OCA2: variants seen among roughly 807,000 people sequenced by gnomAD.
OCA2 encodes the protein OCA2 melanosomal transmembrane protein, also known as P protein.
Under a neutral mutation model 100.2 loss-of-function variants are expected in OCA2, and 77 were observed. The observed-to-expected ratio is 0.77, with a 90% confidence interval of 0.64 to 0.93. OCA2 has a LOEUF of 0.93. Ranked by LOEUF, OCA2 falls within the 40% of genes least tolerant of loss-of-function variation. The pLI is 0.00. For synonymous variants in OCA2, 432 were observed against 439.2 expected, an observed-to-expected ratio of 0.98 and a Z score of 0.21; for missense variants, 1,062 against 1,089.1, an observed-to-expected ratio of 0.98 and a Z score of 0.35.
chr15:28,015,164 G>A (rs1595823123), intron 8 of OCA2, among the ~76,000 whole-genome samples: 2 of 152,070 alleles, frequency 1.3e-5, no homozygotes, highest in South Asian at 2.1e-4. Context: ...GACACCACCC[G>A]ACAATGAACA....
chr15:27,973,184 A>T (rs947313955), intron 14 of OCA2, among the ~76,000 whole-genome samples: 1 of 152,010 alleles, frequency 6.6e-6, no homozygotes, highest in Non-Finnish European at 1.5e-5. Context: ...TTAGCTTTTC[A>T]GTTTAATTAG....
At chr15:27,950,356 T>C (rs2039987529) in intron 18 of OCA2, among the ~76,000 whole-genome samples, 2 of 152,196 alleles carry the variant, frequency 1.3e-5, no homozygotes, top group Non-Finnish European at 2.9e-5. Flanking sequence ...GTCATTAAGG[T>C]TTCTAATGTT....
intron 14 of OCA2, among the ~76,000 whole-genome samples, chr15:27,969,766 G>A (rs2040707699): frequency 6.6e-6 from 1 of 152,152 alleles, no homozygotes; most frequent in Admixed American, 6.5e-5. Flanking sequence ...GGACACGCCT[G>A]AGGGACTTCT....
chr15:27,881,366 T>A (rs1256902914), intron 19 of OCA2, among the ~76,000 whole-genome samples: 1 of 152,240 alleles, frequency 6.6e-6, no homozygotes, highest in African/African-American at 2.4e-5. Context: ...ATCAGGATGA[T>A]GCTGGCCTCA....
intron 4 of OCA2, among the ~76,000 whole-genome samples, chr15:28,026,851 T>A (rs1410238035): frequency 6.6e-6 from 1 of 152,178 alleles, no homozygotes; most frequent in South Asian, 2.1e-4. Context: ...GTGACGCTAA[T>A]ATTTGATGAC....
chr15:28,084,476 T>A (rs2044739943), intron 1 of OCA2, among the ~76,000 whole-genome samples: 2 of 152,310 alleles, frequency 1.3e-5, no homozygotes, highest in Admixed American at 1.3e-4. Flanking sequence ...CAAACTTACC[T>A]GATAAACGAG....
chr15:27,865,498 A>T (rs959462917), intron 21 of OCA2, among the ~76,000 whole-genome samples: 21 of 152,296 alleles, frequency 1.4e-4, no homozygotes, highest in African/African-American at 4.8e-4. Context: ...CCCTGTGTTC[A>T]TGCTGTGTCT....
intron 13 of OCA2, among the ~76,000 whole-genome samples, chr15:27,984,538 T>C (rs551713091): frequency 6.6e-6 from 1 of 152,196 alleles, no homozygotes; most frequent in East Asian, 1.9e-4. Flanking sequence ...CCTGGTGGTC[T>C]GGGGTGAGCC....
Position 27,951,848 on chromosome 15 carries a change from C to A in OCA2, c.1887G>T (p.Val629=), listed in dbSNP as rs1800415. Residue 629 remains valine (V), a synonymous_variant, in exon 18 of 24, where the codon GTG becomes GTT. Coordinates refer to ENST00000354638, the MANE Select transcript of OCA2 (RefSeq NM_000275.3). The part of the protein sequence containing the change: ...DGILLAKCLT[V]LGFVIFMFFL... Reference sequence around the variant, plus strand: ...AAAACATGAAGATAACAAATCCCAACACTGTCAGGCATTTGGCGAGCAGAA... The same window carrying A: ...AAAACATGAAGATAACAAATCCCAAAACTGTCAGGCATTTGGCGAGCAGAA... The A allele has an allele frequency of 1.8e-3, 2,953 of 1,614,058 alleles. 50 individuals carry two copies. The African/African-American group carries it at 0.035, about 19-fold the overall frequency.
At chr15:27,899,937 CT>C (rs1335782787) in intron 19 of OCA2, among the ~76,000 whole-genome samples, 3 of 152,114 alleles carry the variant, frequency 2.0e-5, no homozygotes, top group East Asian at 1.9e-4. Flanking sequence ...TTTTTGCCCC[CT>C]GTCTTAATTA....
At chr15:27,921,245 T>C (rs988882814) in intron 19 of OCA2, among the ~76,000 whole-genome samples, 1 of 151,842 alleles carries the variant, frequency 6.6e-6, no homozygotes, top group African/African-American at 2.4e-5. Flanking sequence ...GGGGAAACAA[T>C]GATTAACAGC....
At chr15:28,028,089 T>G in intron 3 of OCA2, 30 bp from the exon 4 acceptor site, 1 of 1,612,082 alleles carries the variant, frequency 6.2e-7, no homozygotes, top group Non-Finnish European at 8.5e-7. Flanking sequence ...TGGTTATCTC[T>G]CCTGAAATAG....
intron 23 of OCA2, among the ~76,000 whole-genome samples, chr15:27,760,704 T>A (rs556157555): frequency 7.2e-5 from 11 of 152,172 alleles, no homozygotes; most frequent in African/African-American, 2.6e-4. Context: ...TTAACAATTG[T>A]ATACATATAC....
chr15:27,897,794 G>T, intron 19 of OCA2, among the ~76,000 whole-genome samples: 1 of 152,248 alleles, frequency 6.6e-6, no homozygotes. Context: ...TGGAAAATCC[G>T]CAGACACTCA....
At chr15:27,882,698 T>A (rs1315435336) in intron 19 of OCA2, among the ~76,000 whole-genome samples, 4 of 152,226 alleles carry the variant, frequency 2.6e-5, no homozygotes, top group Non-Finnish European at 5.9e-5. Flanking sequence ...GATTATTATT[T>A]TTTTTTACTT....
intron 3 of OCA2, among the ~76,000 whole-genome samples, chr15:28,031,216 G>C (rs1159404753): frequency 6.6e-6 from 1 of 152,192 alleles, no homozygotes; most frequent in African/African-American, 2.4e-5. Context: ...TAACTTTTCA[G>C]CTTTGGAGCA....
intron 19 of OCA2, among the ~76,000 whole-genome samples, chr15:27,878,858 ATTTTAT>A (rs2036895879): frequency 6.6e-6 from 1 of 151,914 alleles, no homozygotes; most frequent in Non-Finnish European, 1.5e-5. Context: ...TCTTTTTTAA[ATTTTAT>A]TTTAAGTCCC....
At chr15:27,771,386 TAAAA>T (rs35814221) in intron 23 of OCA2, among the ~76,000 whole-genome samples, 1 of 131,652 alleles carries the variant, frequency 7.6e-6, no homozygotes, top group Non-Finnish European at 1.6e-5. Flanking sequence ...GAGAGAAGCC[TAAAA>T]AAAAAAAAAA....
intron 23 of OCA2, among the ~76,000 whole-genome samples, chr15:27,776,966 G>A (rs2032259163): frequency 6.8e-6 from 1 of 146,302 alleles, no homozygotes; most frequent in South Asian, 2.2e-4. Context: ...GCGGCGGGGA[G>A]CGTGAGGTGG....
Sources: gnomAD v4.1 joint callset for allele counts (sites outside exome capture counted in the v4.1 genomes callset) on GRCh38, gnomAD v4.1.1 for gene constraint, MANE v1.5 for transcripts, NCBI Gene and HGNC (gene_info 2026-07-23, HGNC 2026-07-21) for gene names.